Variants in CYP4X1 observed in about 807,000 individuals in gnomAD.
The protein encoded by CYP4X1 is cytochrome P450 family 4 subfamily X member 1, also known as cytochrome P450 4X1.
A neutral mutation model predicts 57.9 loss-of-function variants in CYP4X1; 44 were observed. That is an observed-to-expected ratio of 0.76 (90% CI 0.60 to 0.98). The LOEUF (loss-of-function observed/expected upper bound fraction) is 0.98, where lower values mean the gene tolerates loss of function less well. Ranked by LOEUF, CYP4X1 falls within the 50% of genes least tolerant of loss-of-function variation. The probability of loss-of-function intolerance (pLI) is 0.00; values close to 1 mark genes in which losing one functional copy is unlikely to be tolerated. For synonymous variants in CYP4X1, 227 were observed against 228.6 expected (o/e 0.99, Z 0.06); for missense variants, 532 against 623.9 (o/e 0.85, Z 1.57).
chr1:47,033,389 C>T, intron 4 of CYP4X1, 21 bp downstream of exon 4: 1 of 1,613,066 alleles, frequency 6.2e-7, no homozygotes, highest in Non-Finnish European at 8.5e-7. Flanking sequence ...GGGGAAAGTG[C>T]TCTGTGCATT....
the CYP4X1 span, chr1:47,001,040 C>A: frequency 4.3e-6 from 1 of 232,288 alleles, no homozygotes; most frequent in African/African-American, 2.3e-5. Context: ...GTCAGGGCCA[C>A]CTTAAGCTCG....
At chr1:47,004,877 C>G in the CYP4X1 span, among the ~76,000 whole-genome samples, 42 of 152,244 alleles carry the variant, frequency 2.8e-4, no homozygotes, top group Non-Finnish European at 5.0e-4. Flanking sequence ...CTTCCCTTAC[C>G]CTACTTGACT....
chr1:47,042,907 G>A (rs763146370), intron 8 of CYP4X1, among the ~76,000 whole-genome samples: 11 of 152,138 alleles, frequency 7.2e-5, no homozygotes, highest in Non-Finnish European at 1.3e-4. Flanking sequence ...GAATTGTGCT[G>A]CTACAAACAT....
At chr1:46,967,221 A>G in the CYP4X1 span, among the ~76,000 whole-genome samples, 2 of 152,230 alleles carry the variant, frequency 1.3e-5, no homozygotes, top group South Asian at 4.1e-4. Context: ...GGAAGAAAAG[A>G]GATTCTCCCT....
At chr1:46,972,523 G>A in the CYP4X1 span, among the ~76,000 whole-genome samples, 1 of 152,018 alleles carries the variant, frequency 6.6e-6, no homozygotes, top group African/African-American at 2.4e-5. Context: ...AAATTGCTTT[G>A]GGCAGTATGA....
the CYP4X1 span, among the ~76,000 whole-genome samples, chr1:47,011,981 C>T: frequency 1.3e-5 from 2 of 152,210 alleles, no homozygotes; most frequent in Admixed American, 6.5e-5. Flanking sequence ...CTAGTTCAAT[C>T]ATTGTGGAAG....
chr1:47,034,143 G>T (rs1644153423), intron 4 of CYP4X1, among the ~76,000 whole-genome samples: 1 of 152,222 alleles, frequency 6.6e-6, no homozygotes, highest in South Asian at 2.1e-4. Context: ...ACTTGAATAT[G>T]TAGGTAATAT....
intron 7 of CYP4X1, among the ~76,000 whole-genome samples, chr1:47,038,973 G>A (rs757637376): frequency 6.6e-6 from 1 of 152,130 alleles, no homozygotes; most frequent in South Asian, 2.1e-4. Context: ...AAGACTAAAC[G>A]AACGATTTGA....
intron 8 of CYP4X1, among the ~76,000 whole-genome samples, chr1:47,043,825 A>T (rs1309930895): frequency 6.6e-6 from 1 of 151,926 alleles, no homozygotes; most frequent in African/African-American, 2.4e-5. Context: ...TGATGGATTG[A>T]CCCCTTTCTC....
At chr1:47,001,885 C>A in the CYP4X1 span, among the ~76,000 whole-genome samples, 32 of 152,234 alleles carry the variant, frequency 2.1e-4, no homozygotes, top group African/African-American at 6.8e-4. Context: ...CATGTCCTAA[C>A]CCTCTTCATG....
the CYP4X1 span, among the ~76,000 whole-genome samples, chr1:46,975,324 A>G: frequency 6.6e-6 from 1 of 152,096 alleles, no homozygotes; most frequent in Admixed American, 6.6e-5. Flanking sequence ...TTCCATGTTT[A>G]GCACCCCCCT....
chr1:46,995,121 G>C, the CYP4X1 span, among the ~76,000 whole-genome samples: 1 of 152,186 alleles, frequency 6.6e-6, no homozygotes, highest in Middle Eastern at 3.4e-3. Context: ...ACTGGACTTG[G>C]ACTCAGGAGC....
At chr1:47,041,286 T>G (rs1644243852) in intron 8 of CYP4X1, among the ~76,000 whole-genome samples, 1 of 152,194 alleles carries the variant, frequency 6.6e-6, no homozygotes, top group African/African-American at 2.4e-5. Context: ...TGCACTGATT[T>G]CATTTCGTTT....
the CYP4X1 span, among the ~76,000 whole-genome samples, chr1:46,969,631 G>A: frequency 2.0e-5 from 3 of 152,154 alleles, no homozygotes; most frequent in African/African-American, 4.8e-5. Flanking sequence ...TTCTCAGGAC[G>A]ATTCCTGCAG....
At chr1:47,015,175 G>A in the CYP4X1 span, among the ~76,000 whole-genome samples, 1 of 152,134 alleles carries the variant, frequency 6.6e-6, no homozygotes, top group African/African-American at 2.4e-5. Context: ...TTGTATCCTG[G>A]TATTTCCCAG....
intron 8 of CYP4X1, among the ~76,000 whole-genome samples, chr1:47,044,140 T>C (rs1272907638): frequency 1.3e-5 from 2 of 152,222 alleles, no homozygotes; most frequent in African/African-American, 4.8e-5. Flanking sequence ...AATTGTTTTC[T>C]TGATGTTTTA....
At chr1:46,999,092 A>G in the CYP4X1 span, among the ~76,000 whole-genome samples, 116 of 146,192 alleles carry the variant, frequency 7.9e-4, no homozygotes, top group African/African-American at 2.9e-3. Flanking sequence ...CACTTTAGCT[A>G]TTTGGCTTCT....
At chr1:46,979,500 A>C in the CYP4X1 span, among the ~76,000 whole-genome samples, 1 of 152,174 alleles carries the variant, frequency 6.6e-6, no homozygotes, top group Admixed American at 6.5e-5. Context: ...TACCAACCAA[A>C]AAGAGTCCAC....
the CYP4X1 span, among the ~76,000 whole-genome samples, chr1:46,997,480 T>G: frequency 2.6e-5 from 4 of 152,220 alleles, no homozygotes; most frequent in East Asian, 7.7e-4. Context: ...ATGCAGTATT[T>G]GATTTTCTGT....
Sources: gnomAD v4.1 joint callset for allele counts (sites outside exome capture counted in the v4.1 genomes callset) on GRCh38, gnomAD v4.1.1 for gene constraint, MANE v1.5 for transcripts, NCBI Gene and HGNC (gene_info 2026-07-23, HGNC 2026-07-21) for gene names.